The following DPY19L1 variants were observed in gnomAD, a reference collection of about 807,000 sequenced individuals.
DPY19L1 encodes dpy-19 like C-mannosyltransferase 1.
In DPY19L1, 35 loss-of-function variants were observed where a neutral mutation model predicts 96.9. The observed-to-expected ratio is 0.36, with a 90% CI of 0.28 to 0.48. The LOEUF is 0.48. Ranked by LOEUF, DPY19L1 falls within the 20% of genes least tolerant of loss-of-function variation. DPY19L1 has a pLI of 0.99. For missense variants in DPY19L1, 521 were observed against 777.9 expected (o/e 0.67, Z 3.93); for synonymous variants, 205 against 252.6 (o/e 0.81, Z 1.79).
chr7:34,943,466 C>T (rs1170028594), intron 16 of DPY19L1, among the ~76,000 whole-genome samples: 3 of 152,198 alleles, frequency 2.0e-5, no homozygotes, highest in Admixed American at 6.5e-5. Flanking sequence ...TGACTGACTT[C>T]AGAGCCAATA....
At chr7:34,992,581 C>G (rs1170956032) in intron 6 of DPY19L1, among the ~76,000 whole-genome samples, 2 of 144,752 alleles carry the variant, frequency 1.4e-5, no homozygotes, top group Non-Finnish European at 3.0e-5. Flanking sequence ...GGGTCTCACT[C>G]TGTCACCCAA....
chr7:34,950,901 G>GA (rs951458332), intron 13 of DPY19L1, among the ~76,000 whole-genome samples: 1 of 151,952 alleles, frequency 6.6e-6, no homozygotes, highest in African/African-American at 2.4e-5. Flanking sequence ...GGACTTAAGG[G>GA]AAAAAATCTA....
intron 15 of DPY19L1, among the ~76,000 whole-genome samples, chr7:34,946,840 T>A (rs1450467815): frequency 6.6e-6 from 1 of 152,244 alleles, no homozygotes; most frequent in East Asian, 1.9e-4. Context: ...GTCTACCCCA[T>A]AGGGCTGTTG....
At chr7:34,973,344 T>C (rs947701879) in intron 8 of DPY19L1, among the ~76,000 whole-genome samples, 170 bp downstream of exon 8, 9 of 152,204 alleles carry the variant, frequency 5.9e-5, no homozygotes, top group Non-Finnish European at 1.2e-4. Context: ...AGAAGGCTGA[T>C]AGAAGAAATG....
At chr7:35,001,441 T>TGG (rs1785424611) in intron 6 of DPY19L1, among the ~76,000 whole-genome samples, 1 of 152,210 alleles carries the variant, frequency 6.6e-6, no homozygotes, top group Non-Finnish European at 1.5e-5. Context: ...AACACTACCT[T>TGG]ATTCCATTCT....
intron 6 of DPY19L1, among the ~76,000 whole-genome samples, chr7:34,997,542 G>A (rs1296006791): frequency 1.3e-5 from 2 of 148,906 alleles, no homozygotes; most frequent in South Asian, 2.1e-4. Flanking sequence ...CCCAGGAGGC[G>A]GAGCTTGCAG....
At chr7:34,937,799 C>T (rs1461279831) in intron 21 of DPY19L1, among the ~76,000 whole-genome samples, 195 bp downstream of exon 21, 2 of 151,938 alleles carry the variant, frequency 1.3e-5, no homozygotes, top group Admixed American at 1.3e-4. Context: ...GTGGAGCTTG[C>T]AGTGAGCCCA....
At chr7:35,030,933 G>A (rs1786245175) in intron 1 of DPY19L1, among the ~76,000 whole-genome samples, 1 of 152,092 alleles carries the variant, frequency 6.6e-6, no homozygotes, top group Non-Finnish European at 1.5e-5. Flanking sequence ...TTGATGACTA[G>A]TAACCATTAT....
chr7:35,003,753 T>C (rs1584249644), intron 6 of DPY19L1, among the ~76,000 whole-genome samples: 1 of 152,228 alleles, frequency 6.6e-6, no homozygotes, highest in East Asian at 1.9e-4. Flanking sequence ...GGCCTGGCCA[T>C]ATGCAAGGCT....
intron 6 of DPY19L1, among the ~76,000 whole-genome samples, chr7:34,999,974 G>T (rs1785383324): frequency 6.6e-6 from 1 of 152,176 alleles, no homozygotes; most frequent in South Asian, 2.1e-4. Flanking sequence ...GGATACACAG[G>T]GTGGGGAAGA....
chr7:35,010,849 C>T (rs1396244736), intron 5 of DPY19L1, among the ~76,000 whole-genome samples: 1 of 152,140 alleles, frequency 6.6e-6, no homozygotes, highest in East Asian at 1.9e-4. Context: ...GTGACTCTTT[C>T]AACAGAGTAT....
intron 6 of DPY19L1, among the ~76,000 whole-genome samples, chr7:35,001,635 A>C (rs1225425893): frequency 1.3e-5 from 2 of 152,194 alleles, no homozygotes; most frequent in Non-Finnish European, 2.9e-5. Context: ...CAAACCAAAG[A>C]ACTGGCAGTC....
chr7:34,999,675 T>A (rs558662934), intron 6 of DPY19L1, among the ~76,000 whole-genome samples: 1 of 152,148 alleles, frequency 6.6e-6, no homozygotes, highest in East Asian at 1.9e-4. Flanking sequence ...GTGGGAGAAT[T>A]GAAATAATGG....
chr7:35,037,822 T>G, upstream of DPY19L1: 1 of 1,227,936 alleles, frequency 8.1e-7, no homozygotes, highest in Non-Finnish European at 1.0e-6. Context: ...CCACACCTCT[T>G]CGGCGCCCGC....
chr7:35,013,552 G>C lies in DPY19L1; in HGVS notation c.549+16C>G. On this transcript the variant is annotated intron_variant, in intron 4 of 21. Coordinates refer to ENST00000638088, the MANE Select transcript of DPY19L1 (RefSeq NM_001366673.1). ...TTTACAAAAGTGAAAAATCACAATT[G>C]GAAAAAGTACCTTACCTCAGGGTAA... 1 of 1,602,988 alleles carries C rather than the reference G, an allele frequency of 6.2e-7. No individual in the cohort carries two copies. The highest frequency in any genetic ancestry group is 8.5e-7 in the Non-Finnish European group (1 of 1,174,824).
In DPY19L1 at chr7:35,034,783, T is replaced by C. The variant is rs533670812; in HGVS notation, c.298+2314A>G. Among the ~76,000 whole-genome samples the C allele has an allele frequency of 3.9e-5, 6 of 152,356 alleles. No homozygotes were observed. In the South Asian group the frequency reaches 1.2e-3, roughly 32 times the overall value. ...CATTTCTGTCTAGCTTAATATTTAGTTGTTATAATTGTTCTTTTTTTGATC... is the reference window on the plus strand; with the variant it reads ...CATTTCTGTCTAGCTTAATATTTAGCTGTTATAATTGTTCTTTTTTTGATC... On this transcript the variant is annotated intron_variant, in intron 1 of 21. Coordinates refer to ENST00000638088, the MANE Select transcript of DPY19L1 (RefSeq NM_001366673.1).
intron 13 of DPY19L1, among the ~76,000 whole-genome samples, chr7:34,953,088 C>T (rs957332720): frequency 3.3e-5 from 5 of 152,006 alleles, no homozygotes; most frequent in South Asian, 2.1e-4. Context: ...TGATTTGGGG[C>T]GGACAGCTAA....
chr7:35,007,675 T>C (rs917115343), intron 6 of DPY19L1, among the ~76,000 whole-genome samples: 3 of 152,014 alleles, frequency 2.0e-5, no homozygotes, highest in Non-Finnish European at 4.4e-5. Flanking sequence ...GTGTGGTATA[T>C]GATATTATTT....
At chr7:34,995,342 T>C (rs1785259015) in intron 6 of DPY19L1, among the ~76,000 whole-genome samples, 1 of 152,162 alleles carries the variant, frequency 6.6e-6, no homozygotes, top group Non-Finnish European at 1.5e-5. Context: ...AAGTCTCTTC[T>C]GCAATATGAC....
Sources: allele counts gnomAD v4.1 joint callset (sites outside exome capture counted in the v4.1 genomes callset), GRCh38; gene constraint gnomAD v4.1.1; transcripts MANE v1.5; gene names NCBI Gene and HGNC (gene_info 2026-07-23, HGNC 2026-07-21).